The following GPD2 variants were observed in gnomAD, a reference collection of about 807,000 sequenced individuals.
The protein encoded by GPD2 is glycerol-3-phosphate dehydrogenase, mitochondrial.
In GPD2, 54 loss-of-function variants were observed where a neutral mutation model predicts 82.4. That is an observed-to-expected ratio of 0.66 (90% confidence interval 0.53 to 0.82). The LOEUF is 0.82. Among genes scored for constraint, GPD2 ranks in the 40% least tolerant of loss-of-function variants. The probability of loss-of-function intolerance (pLI) is 0.00; values close to 1 mark genes in which losing one functional copy is unlikely to be tolerated. For missense variants in GPD2, 748 were observed against 896.2 expected, an observed-to-expected ratio of 0.83 and a Z score of 2.11; for synonymous variants, 288 against 306.1, an observed-to-expected ratio of 0.94 and a Z score of 0.62.
At chr2:156,454,993 T>C (rs1473544104) in intron 1 of GPD2, among the ~76,000 whole-genome samples, 1 of 152,016 alleles carries the variant, frequency 6.6e-6, no homozygotes, top group African/African-American at 2.4e-5. Flanking sequence ...TTAGGGCCTC[T>C]TCTCAGCCAT....
chr2:156,496,761 T>A (rs1030547289), intron 3 of GPD2, among the ~76,000 whole-genome samples: 1 of 152,166 alleles, frequency 6.6e-6, no homozygotes, highest in Admixed American at 6.5e-5. Context: ...TAAAAACATT[T>A]TTATATCACT....
chr2:156,451,781 C>T (rs1302073481), intron 1 of GPD2, among the ~76,000 whole-genome samples: 136 of 151,808 alleles, frequency 9.0e-4, no homozygotes, highest in African/African-American at 3.0e-3. Context: ...GGGTGGCTGC[C>T]GGGCGGAGAC....
In GPD2 at chr2:156,441,454, G is replaced by C. The variant is rs536603572; in HGVS notation, c.-9+4941G>C. ...CATGCTTGTAGTCCTCACTACCCTG[G>C]AGGCTGAGGTGAGAGGATCTCTTGG... On this transcript the variant is annotated intron_variant, in intron 1 of 16. Coordinates refer to ENST00000438166, the MANE Select transcript of GPD2 (RefSeq NM_000408.5). Among the ~76,000 whole-genome samples, 511 of 152,262 alleles carry C rather than the reference G, an allele frequency of 3.4e-3. 10 individuals carry two copies. Among genetic ancestry groups the C allele is most frequent in the African/African-American group, 0.012 (492 of 41,564 alleles).
intron 1 of GPD2, among the ~76,000 whole-genome samples, chr2:156,466,696 A>T (rs947252162): frequency 6.6e-6 from 1 of 152,230 alleles, no homozygotes; most frequent in Non-Finnish European, 1.5e-5. Flanking sequence ...AACAGTTATG[A>T]CATTATTAAA....
intron 1 of GPD2, among the ~76,000 whole-genome samples, chr2:156,472,236 A>G (rs1425014245): frequency 6.6e-6 from 1 of 152,136 alleles, no homozygotes; most frequent in South Asian, 2.1e-4. Flanking sequence ...TCTCCTTACA[A>G]TGGTAAATGG....
chr2:156,495,975 A>G (rs1397093570), intron 2 of GPD2, 69 bp from the exon 3 acceptor site: 7 of 1,135,134 alleles, frequency 6.2e-6, no homozygotes, highest in Non-Finnish European at 9.3e-6. Context: ...ATTTCCTTTT[A>G]GTATATTGTA....
intron 1 of GPD2, among the ~76,000 whole-genome samples, chr2:156,442,857 G>A (rs1682224789): frequency 1.3e-5 from 2 of 152,080 alleles, no homozygotes; most frequent in African/African-American, 4.8e-5. Flanking sequence ...TTTCATTGTG[G>A]TAATGCCCAA....
chr2:156,480,437 CT>C (rs1403094863), intron 2 of GPD2, among the ~76,000 whole-genome samples: 12 of 149,274 alleles, frequency 8.0e-5, no homozygotes, highest in East Asian at 2.0e-4. Flanking sequence ...CTGTTTAACA[CT>C]TTTTTTTTTA....
intron 3 of GPD2, among the ~76,000 whole-genome samples, chr2:156,502,870 T>TA (rs397814809): frequency 3.3e-5 from 5 of 151,932 alleles, no homozygotes; most frequent in Non-Finnish European, 5.9e-5. Context: ...ACATTTTTTT[T>TA]ATTCCATGTG....
the GPD2 span, among the ~76,000 whole-genome samples, chr2:156,403,612 G>GGGGTGTGTGTGTGT: frequency 2.8e-4 from 41 of 148,008 alleles, no homozygotes; most frequent in African/African-American, 1.0e-3. Flanking sequence ...GCATTCAAAG[G>GGGGTGTGTGTGTGT]GTGTGTGTGT....
Position 156,583,876 on chromosome 2 carries a change from A to G in GPD2, c.*958A>G, listed in dbSNP as rs1331891116. 6.6e-6 allele frequency: 1 copy of G among 152,468 alleles called. No individual in the cohort carries two copies. Among genetic ancestry groups the G allele is most frequent in the Non-Finnish European group, 1.5e-5 (1 of 67,978 alleles). The allele number at this position is 152,468 out of a possible 1,614,324, so 9.4% of individuals were successfully genotyped here. On this transcript the variant is annotated 3_prime_UTR_variant, in exon 17 of 17. Transcript: ENST00000438166. Reference sequence around the variant, plus strand: ...CAAAAGATTCAATTCCCAAGCCTAAATTTTGAAGCATGTGGTATTGTCAAA... The same window carrying G: ...CAAAAGATTCAATTCCCAAGCCTAAGTTTTGAAGCATGTGGTATTGTCAAA...
At chr2:156,463,990 TC>T (rs1683072085) in intron 1 of GPD2, among the ~76,000 whole-genome samples, 2 of 152,178 alleles carry the variant, frequency 1.3e-5, no homozygotes, top group South Asian at 4.1e-4. Flanking sequence ...AAAAGAAATA[TC>T]TTTTTCTTTA....
At chr2:156,497,704 G>A (rs1425193859) in intron 3 of GPD2, among the ~76,000 whole-genome samples, 1 of 152,064 alleles carries the variant, frequency 6.6e-6, no homozygotes, top group Admixed American at 6.6e-5. Context: ...CCACACTCAG[G>A]TTTTGGTCCA....
chr2:156,462,073 A>AT (rs1175723792), intron 1 of GPD2, among the ~76,000 whole-genome samples: 3 of 152,172 alleles, frequency 2.0e-5, no homozygotes, highest in South Asian at 2.1e-4. Flanking sequence ...CAGCAGATGG[A>AT]TTTTTTTGGT....
intron 6 of GPD2, among the ~76,000 whole-genome samples, chr2:156,546,250 G>T (rs1237327776): frequency 6.6e-6 from 1 of 152,166 alleles, no homozygotes; most frequent in Non-Finnish European, 1.5e-5. Flanking sequence ...ATGTTGCCTG[G>T]CTCTAAGGAA....
At chr2:156,533,389 T>C (rs1023195828) in intron 6 of GPD2, among the ~76,000 whole-genome samples, 1 of 152,182 alleles carries the variant, frequency 6.6e-6, no homozygotes, top group Non-Finnish European at 1.5e-5. Context: ...AATTCTCCCT[T>C]GTGTTTCTGT....
chr2:156,543,875 A>G (rs1200812958), intron 6 of GPD2, among the ~76,000 whole-genome samples: 1 of 152,216 alleles, frequency 6.6e-6, no homozygotes, highest in Non-Finnish European at 1.5e-5. Context: ...CTCCTGTGGC[A>G]CAAACAAATC....
intron 4 of GPD2, among the ~76,000 whole-genome samples, chr2:156,511,371 T>G (rs1201320434): frequency 6.6e-6 from 1 of 152,248 alleles, no homozygotes; most frequent in African/African-American, 2.4e-5. Context: ...GCTTTTCTTA[T>G]GTCACACTTT....
chr2:156,474,870 C>T (rs298266), intron 1 of GPD2, among the ~76,000 whole-genome samples: 48,449 of 150,922 alleles, frequency 0.32, 9,182 homozygotes, highest in Non-Finnish European at 0.44. Context: ...AATCCTAGCA[C>T]TTTGGGAAGC....
Sources: gnomAD v4.1 joint callset for allele counts (sites outside exome capture counted in the v4.1 genomes callset) on GRCh38, gnomAD v4.1.1 for gene constraint, MANE v1.5 for transcripts, NCBI Gene and HGNC (gene_info 2026-07-23, HGNC 2026-07-21) for gene names.